CFAP251: variants seen among roughly 807,000 people sequenced by gnomAD.
CFAP251 encodes the protein cilia and flagella associated protein 251.
A neutral mutation model predicts 126.7 loss-of-function variants in CFAP251; 93 were observed. That is an observed-to-expected ratio of 0.73 (90% CI 0.62 to 0.87). The LOEUF (loss-of-function observed/expected upper bound fraction) is 0.87. Among genes scored for constraint, CFAP251 ranks in the 40% least tolerant of loss-of-function variants. CFAP251 has a pLI of 0.00. For missense variants in CFAP251, 1,287 were observed against 1,389.2 expected (o/e 0.93, Z 1.17); for synonymous variants, 503 against 506.9 (o/e 0.99, Z 0.10).
intron 5 of CFAP251, among the ~76,000 whole-genome samples, chr12:121,934,703 C>T (rs1217977878): frequency 2.0e-5 from 3 of 152,162 alleles, no homozygotes; most frequent in East Asian, 1.9e-4. Context: ...TGTTCGATTT[C>T]GATCTGTTTG....
Position 121,974,654 on chromosome 12 carries a change from C to T in CFAP251, c.2772-590C>T, listed in dbSNP as rs188838112. Among the ~76,000 whole-genome samples the T allele has an allele frequency of 4.6e-3, 695 of 152,258 alleles. 3 individuals are homozygous for T. Among genetic ancestry groups the T allele is most frequent in the Non-Finnish European group, 7.6e-3 (519 of 68,010 alleles). On this transcript the variant is annotated intron_variant, in intron 17 of 21. Transcript: ENST00000288912. This position sits in a 1 kb window ranked among gnomAD's most constrained non-coding sequence, Gnocchi z 4.6. ...TATTAGAATGATTTCTGATGATTAG[C>T]CTTTTGTAGGAGGCAAAGTTGGTCT...
intron 19 of CFAP251, among the ~76,000 whole-genome samples, chr12:121,976,914 A>G (rs1439175789): frequency 6.6e-6 from 1 of 152,238 alleles, no homozygotes; most frequent in Admixed American, 6.5e-5. Context: ...TCTCAAAAAA[A>G]TTAATAAATA....
intron 19 of CFAP251, among the ~76,000 whole-genome samples, chr12:121,990,150 A>G (rs144990132): frequency 1.3e-5 from 2 of 152,352 alleles, no homozygotes; most frequent in Non-Finnish European, 2.9e-5. Context: ...AACCTTCAAC[A>G]TGAGCTGATT....
intron 7 of CFAP251, among the ~76,000 whole-genome samples, chr12:121,945,930 T>G (rs1881309097): frequency 6.6e-6 from 1 of 151,622 alleles, no homozygotes; most frequent in Admixed American, 6.6e-5. Flanking sequence ...CCTCCCAAAG[T>G]GCTGAGATTA....
chr12:121,942,195 C>G (rs1881146128), intron 5 of CFAP251, among the ~76,000 whole-genome samples: 1 of 152,134 alleles, frequency 6.6e-6, no homozygotes, highest in South Asian at 2.1e-4. Context: ...CATCTCTATC[C>G]AGTTCCAAAA....
chr12:121,958,116 G>A (rs1259670773), intron 11 of CFAP251, among the ~76,000 whole-genome samples, 156 bp from the exon 12 acceptor site: 4 of 152,220 alleles, frequency 2.6e-5, no homozygotes, highest in Non-Finnish European at 5.9e-5. Context: ...AATGGAGGCT[G>A]TTGGGTATTG....
At position 121,987,372 on chromosome 12, in the gene CFAP251, G is replaced by A. The variant is rs570891011; in HGVS notation, c.3006+11687G>A. On this transcript the variant is annotated intron_variant, in intron 19 of 21. Coordinates refer to ENST00000288912, the MANE Select transcript of CFAP251 (RefSeq NM_144668.6). ...ACTATTTCTGCTTTTCACATGTAAA[G>A]CATTTAAAGAAATAAATCTTGGATT... Among the ~76,000 whole-genome samples the A allele has an allele frequency of 3.3e-5, 5 of 152,234 alleles. No individual in the cohort carries two copies. The South Asian group carries it at 8.3e-4, about 25-fold the overall frequency.
intron 7 of CFAP251, 106 bp from the exon 8 acceptor site, chr12:121,948,878 A>T: frequency 3.1e-6 from 2 of 636,594 alleles, no homozygotes; most frequent in Non-Finnish European, 5.2e-6. Flanking sequence ...TCTGTTTTAT[A>T]TTCCTACTCA....
intron 19 of CFAP251, among the ~76,000 whole-genome samples, chr12:121,988,352 C>T (rs772502249): frequency 6.6e-6 from 1 of 152,186 alleles, no homozygotes; most frequent in Non-Finnish European, 1.5e-5. Context: ...ACATGTTTAT[C>T]ATCCCAAAAA....
At chr12:121,990,160 T>G (rs1488508680) in intron 19 of CFAP251, among the ~76,000 whole-genome samples, 1 of 152,206 alleles carries the variant, frequency 6.6e-6, no homozygotes, top group Non-Finnish European at 1.5e-5. Context: ...ATGAGCTGAT[T>G]CAAAGTTCAC....
chr12:121,932,542 C>T lies in CFAP251; in HGVS notation c.888+656C>T, dbSNP rs192972887. ...CCTCCTTTGTTCCTGATATTTGGGA[C>T]CCACTTCATTTTCATCATTTACCTT... On this transcript the variant is annotated intron_variant, in intron 4 of 21. Coordinates refer to ENST00000288912, the MANE Select transcript of CFAP251 (RefSeq NM_144668.6). 5 of 152,774 alleles carry T rather than the reference C, an allele frequency of 3.3e-5. No individual in the cohort carries two copies. The East Asian group carries it at 7.7e-4, about 24-fold the overall frequency. 9.5% of individuals were successfully genotyped at this position (152,774 alleles called of 1,614,324 possible). A position where few individuals can be genotyped will look rare whatever the true frequency, so the allele number is the denominator to read the frequency against.
At chr12:121,921,833 G>C in intron 2 of CFAP251, 150 bp downstream of exon 2, 2 of 874,920 alleles carry the variant, frequency 2.3e-6, no homozygotes, top group Non-Finnish European at 3.3e-6. Context: ...TGTTGCCCAG[G>C]CTGGAGTGCA....
Position 121,975,295 on chromosome 12 carries a change from T to C in CFAP251, c.2823T>C (p.Tyr941=). ...GGGGTGAAGACTTGACCCCATTCTA[T>C]GGTCTGCTGTCTGGTGGCCGGGAAG... The part of the protein sequence containing the change: ...SLGGEDLTPF[Y]GLLSGGREGK... The change falls in exon 18 of 22, where the codon TAT becomes TAC. Residue 941 remains tyrosine (Y), a synonymous_variant. Coordinates refer to ENST00000288912, the MANE Select transcript of CFAP251 (RefSeq NM_144668.6). 1.9e-6 allele frequency: 3 copies of C among 1,614,178 alleles called. No individual in the cohort carries two copies. The highest frequency in any genetic ancestry group is 2.5e-6 in the Non-Finnish European group (3 of 1,180,034).
rs180918536 is a variant in CFAP251 at position 121,961,561 on chromosome 12, G to A, written c.2308-417G>A. Reference sequence around the variant, plus strand: ...ATAAGTGACACAGTATAACAGAACTGTAAGACGTCAGGTGTGGGAATCAGC... The same window carrying A: ...ATAAGTGACACAGTATAACAGAACTATAAGACGTCAGGTGTGGGAATCAGC... On this transcript the variant is annotated intron_variant, in intron 14 of 21. Transcript: ENST00000288912. Among the ~76,000 whole-genome samples the A allele has an allele frequency of 1.6e-4, 25 of 152,316 alleles. 1 individual carries two copies. The highest frequency in any genetic ancestry group is 1.6e-3 in the Admixed American group (25 of 15,298).
chr12:121,935,807 GC>G (rs1249826988), intron 5 of CFAP251, among the ~76,000 whole-genome samples: 1 of 152,230 alleles, frequency 6.6e-6, no homozygotes, highest in Admixed American at 6.5e-5. Context: ...GGTCCGGAAG[GC>G]CGGGGTTGTG....
chr12:121,997,852 A>G (rs1026974155), intron 19 of CFAP251: 1 of 151,714 alleles, frequency 6.6e-6, no homozygotes, highest in African/African-American at 2.4e-5. Flanking sequence ...CCCCAGTTCA[A>G]GCGATTCTCC....
intron 19 of CFAP251, chr12:121,992,219 G>C: frequency 1.0e-6 from 1 of 985,442 alleles, no homozygotes; most frequent in Non-Finnish European, 1.2e-6. Flanking sequence ...TCTATTTCCA[G>C]CTCCGAGGTT....
intron 15 of CFAP251, among the ~76,000 whole-genome samples, chr12:121,963,360 G>T (rs1882011209): frequency 6.6e-6 from 1 of 152,010 alleles, no homozygotes; most frequent in South Asian, 2.1e-4. Context: ...TAAACCAGGG[G>T]TCAGACTGGA....
In CFAP251 at chr12:121,958,968, A is replaced by G. The variant is rs760873491; in HGVS notation, c.2007A>G (p.Thr669=). 6.3e-7 allele frequency: 1 copy of G among 1,597,644 alleles called. No individual in the cohort carries two copies. The highest frequency in any genetic ancestry group is 1.8e-5 in the Admixed American group (1 of 54,634). Residue 669 remains threonine (T), a synonymous_variant, in exon 13 of 22, where the codon ACA becomes ACG. Transcript: ENST00000288912. ...GAGCCCTTCTTGGAGCTGGCTTTAC[A>G]GAGGGGACAGTTTACATTCTTGATG... The part of the protein sequence containing the change: ...PEGALLGAGF[T]EGTVYILDAM...
Sources: gnomAD v4.1 joint callset for allele counts (sites outside exome capture counted in the v4.1 genomes callset) on GRCh38, gnomAD v4.1.1 for gene constraint, Gnocchi (gnomAD v3.1) non-coding constraint, MANE v1.5 for transcripts, NCBI Gene and HGNC (gene_info 2026-07-23, HGNC 2026-07-21) for gene names.